Variants in BTRC observed in about 807,000 individuals in gnomAD.
The protein encoded by BTRC is beta-transducin repeat containing E3 ubiquitin protein ligase.
BTRC carries 42 observed loss-of-function variants against 85.5 expected under a neutral mutation model. The observed-to-expected ratio is 0.49, with a 90% confidence interval of 0.38 to 0.64. BTRC has a LOEUF of 0.64. Ranked by LOEUF, BTRC falls within the 30% of genes least tolerant of loss-of-function variation. The probability of loss-of-function intolerance (pLI) is 0.00; values close to 1 mark genes in which losing one functional copy is unlikely to be tolerated. For synonymous variants in BTRC, 255 were observed against 263.3 expected (o/e 0.97, Z 0.30); for missense variants, 594 against 743.5 (o/e 0.80, Z 2.34).
At chr10:101,486,957 T>C (rs1224036516) in intron 4 of BTRC, among the ~76,000 whole-genome samples, 1 of 152,216 alleles carries the variant, frequency 6.6e-6, no homozygotes, top group Non-Finnish European at 1.5e-5. Context: ...TGAAACATAT[T>C]GTGAATATCT....
chr10:101,489,530 TA>T (rs2134253938), intron 4 of BTRC, among the ~76,000 whole-genome samples: 1 of 152,284 alleles, frequency 6.6e-6, no homozygotes, highest in South Asian at 2.1e-4. Context: ...TCATGTGATG[TA>T]AAAAGATCGC....
At chr10:101,453,378 C>G (rs934852049) in intron 2 of BTRC, 2 of 152,150 alleles carry the variant, frequency 1.3e-5, no homozygotes, top group Non-Finnish European at 2.9e-5. Flanking sequence ...AGAATTATCC[C>G]AGTTACAGAG....
chr10:101,422,264 GTCT>G (rs1177074890), intron 1 of BTRC, among the ~76,000 whole-genome samples: 1 of 152,182 alleles, frequency 6.6e-6, no homozygotes, highest in Non-Finnish European at 1.5e-5. Context: ...CTGCATAAAT[GTCT>G]TCTTCTGAGA....
intron 2 of BTRC, among the ~76,000 whole-genome samples, chr10:101,460,229 A>T (rs1589497302): frequency 7.9e-6 from 1 of 127,208 alleles, no homozygotes; most frequent in African/African-American, 2.9e-5. Flanking sequence ...CTTTACATTT[A>T]AAAAAAAAAA....
chr10:101,354,289 C>G lies in BTRC; in HGVS notation c.48+61C>G, dbSNP rs559771324. The G allele has an allele frequency of 1.0e-5, 16 of 1,534,348 alleles. 1 individual carries two copies. Among genetic ancestry groups the G allele is most frequent in the South Asian group, 4.8e-5 (4 of 83,422 alleles). ...CGCTGGCGTTGGCGGCGTCGCTGGC[C>G]TGGGCCGCCCGCCCACTGCGGGACC... On this transcript the variant is annotated intron_variant, in intron 1 of 14. Coordinates refer to ENST00000370187, the MANE Select transcript of BTRC (RefSeq NM_033637.4).
At chr10:101,384,442 G>T (rs7921510) in intron 1 of BTRC, among the ~76,000 whole-genome samples, 54,945 of 152,170 alleles carry the variant, frequency 0.36, 11,025 homozygotes, top group Middle Eastern at 0.48. Flanking sequence ...CTAAACTGAT[G>T]TGCCTTTGCA....
At chr10:101,387,208 A>T (rs1329455115) in intron 1 of BTRC, among the ~76,000 whole-genome samples, 1 of 151,830 alleles carries the variant, frequency 6.6e-6, no homozygotes, top group Non-Finnish European at 1.5e-5. Flanking sequence ...AATTCATATT[A>T]AAAATTTAAC....
At chr10:101,505,573 T>G (rs1318583193) in intron 4 of BTRC, among the ~76,000 whole-genome samples, 1 of 151,172 alleles carries the variant, frequency 6.6e-6, no homozygotes, top group Non-Finnish European at 1.5e-5. Context: ...TGAGCAGAGA[T>G]TGTGCCACTG....
At chr10:101,364,364 G>C (rs1564728150) in intron 1 of BTRC, among the ~76,000 whole-genome samples, 1 of 152,026 alleles carries the variant, frequency 6.6e-6, no homozygotes, top group Non-Finnish European at 1.5e-5. Flanking sequence ...GCAATATCAT[G>C]GTGCTATTCT....
rs776563405 is a variant in BTRC, at chr10:101,467,329, G to GTT, written c.234+5286_234+5287dup. ...AAGTCCCTGATATCAGGCAGGCAGG[G>GTT]TTTTTTTTTTTTTTTTCTCTCTATT... On this transcript the variant is annotated intron_variant, in intron 3 of 14. Coordinates refer to ENST00000370187, the MANE Select transcript of BTRC (RefSeq NM_033637.4). Among the ~76,000 whole-genome samples the GTT allele has an allele frequency of 2.6e-3, 300 of 117,238 alleles. 5 individuals are homozygous for GTT. The highest frequency in any genetic ancestry group is 8.7e-4 in the Non-Finnish European group (45 of 51,886). 76.9% of individuals were successfully genotyped at this position (117,238 alleles called of 152,430 possible). A position where few individuals can be genotyped will look rare whatever the true frequency, so the allele number is the denominator to read the frequency against.
intron 2 of BTRC, 61 bp downstream of exon 2, chr10:101,430,513 T>G: frequency 3.8e-6 from 5 of 1,323,960 alleles, no homozygotes; most frequent in Non-Finnish European, 5.4e-6. Flanking sequence ...AATTCATTAG[T>G]ATGTGCCTCC....
chr10:101,367,490 T>C (rs1373667094), intron 1 of BTRC, among the ~76,000 whole-genome samples: 1 of 152,154 alleles, frequency 6.6e-6, no homozygotes, highest in Non-Finnish European at 1.5e-5. Flanking sequence ...TACAAATAAT[T>C]ATATATAGCT....
At chr10:101,552,915 C>T (rs899836397) in intron 14 of BTRC, among the ~76,000 whole-genome samples, 1 of 152,150 alleles carries the variant, frequency 6.6e-6, no homozygotes, top group Non-Finnish European at 1.5e-5. Flanking sequence ...ACATCAGAGT[C>T]ACTCTGCTTG....
intron 1 of BTRC, among the ~76,000 whole-genome samples, chr10:101,379,047 A>G (rs1342673029): frequency 2.6e-5 from 4 of 152,204 alleles, no homozygotes; most frequent in Non-Finnish European, 5.9e-5. Context: ...TGTTGACTAT[A>G]AATTTCACAT....
rs1481094981 is a variant in BTRC, at chr10:101,553,968, TG to T, written c.*847del. 1 of 75,300 alleles carries T rather than the reference TG, an allele frequency of 1.3e-5. No homozygotes were observed. The highest frequency in any genetic ancestry group is 2.2e-5 in the Non-Finnish European group (1 of 44,908). The allele number at this position is 75,300 out of a possible 1,614,324, so 4.7% of individuals were successfully genotyped here. A position where few individuals can be genotyped will look rare whatever the true frequency, so the allele number is the denominator to read the frequency against. Reference sequence around the variant, plus strand: ...GCTGCAAGTGACCCTGTGGCAACAGTGGATTCTCAGACATGATACTCTCATC... The same window carrying T: ...GCTGCAAGTGACCCTGTGGCAACAGTGATTCTCAGACATGATACTCTCATC... On this transcript the variant is annotated 3_prime_UTR_variant, in exon 15 of 15. Transcript: ENST00000370187.
intron 5 of BTRC, among the ~76,000 whole-genome samples, chr10:101,522,275 C>T (rs183344771): frequency 2.1e-5 from 3 of 140,260 alleles, no homozygotes; most frequent in South Asian, 2.2e-4. Context: ...CTCCTGACCT[C>T]GTGGTCCACC....
rs549038604 is a variant in BTRC, at chr10:101,483,547, C to G, written c.324+4090C>G. On this transcript the variant is annotated intron_variant, in intron 4 of 14. Coordinates refer to ENST00000370187, the MANE Select transcript of BTRC (RefSeq NM_033637.4). Reference sequence around the variant, plus strand: ...GGCAGAGGTTGCAGTAAGCTGAGATCGTGCCACAGCACTCCAGCCTGGGCG... The same window carrying G: ...GGCAGAGGTTGCAGTAAGCTGAGATGGTGCCACAGCACTCCAGCCTGGGCG... Among the ~76,000 whole-genome samples, 45 of 152,084 alleles carry G rather than the reference C, an allele frequency of 3.0e-4. 1 individual carries two copies. The South Asian group carries it at 8.9e-3, about 30-fold the overall frequency.
chr10:101,508,924 A>AAAAAAAAAAAAC, intron 4 of BTRC, among the ~76,000 whole-genome samples: 2 of 151,012 alleles, frequency 1.3e-5, no homozygotes, highest in Non-Finnish European at 3.0e-5. Flanking sequence ...AAAAAAAAAA[A>AAAAAAAAAAAAC]AAAAAAAAAA....
chr10:101,448,482 G>A (rs1944882204), intron 2 of BTRC, among the ~76,000 whole-genome samples: 1 of 152,002 alleles, frequency 6.6e-6, no homozygotes, highest in African/African-American at 2.4e-5. Context: ...AAAAATTGAA[G>A]ACATGAATTG....
Sources: allele counts gnomAD v4.1 joint callset (sites outside exome capture counted in the v4.1 genomes callset), GRCh38; gene constraint gnomAD v4.1.1; transcripts MANE v1.5; gene names NCBI Gene and HGNC (gene_info 2026-07-23, HGNC 2026-07-21).